TIAM1: variants seen among roughly 807,000 people sequenced by gnomAD.
TIAM1 encodes the protein TIAM Rac1 associated GEF 1.
A neutral mutation model predicts 163.5 loss-of-function variants in TIAM1; 65 were observed. The observed-to-expected ratio is 0.40, with a 90% CI of 0.33 to 0.49. The LOEUF is 0.49. TIAM1 is among the 20% of genes least tolerant of loss of function. The pLI is 0.77. For synonymous variants in TIAM1, 833 were observed against 810.1 expected, an observed-to-expected ratio of 1.03 and a Z score of -0.48; for missense variants, 1,789 against 2,044.7, an observed-to-expected ratio of 0.87 and a Z score of 2.41.
chr21:31,238,901 T>C (rs1224264614), intron 6 of TIAM1, among the ~76,000 whole-genome samples: 1 of 152,144 alleles, frequency 6.6e-6, no homozygotes, highest in Non-Finnish European at 1.5e-5. Context: ...AAATGGGGTA[T>C]ACAACACACA....
intron 12 of TIAM1, among the ~76,000 whole-genome samples, chr21:31,202,150 C>T (rs1215363813): frequency 6.6e-6 from 1 of 151,946 alleles, no homozygotes; most frequent in Non-Finnish European, 1.5e-5. Context: ...TTTTTTCACC[C>T]AACAAGATTT....
intron 1 of TIAM1, among the ~76,000 whole-genome samples, chr21:31,537,123 C>G (rs1471237151): frequency 6.6e-6 from 1 of 152,216 alleles, no homozygotes; most frequent in Non-Finnish European, 1.5e-5. Context: ...GCCCACACCT[C>G]TGTATCTGAA....
At chr21:31,231,240 T>C (rs1044788262) in intron 6 of TIAM1, among the ~76,000 whole-genome samples, 2 of 152,204 alleles carry the variant, frequency 1.3e-5, no homozygotes, top group Non-Finnish European at 2.9e-5. Context: ...GAAAGCATGT[T>C]AAGCCGCTGA....
At chr21:31,221,713 C>T (rs1178517530) in intron 8 of TIAM1, among the ~76,000 whole-genome samples, 1 of 152,188 alleles carries the variant, frequency 6.6e-6, no homozygotes, top group African/African-American at 2.4e-5. Flanking sequence ...GGTATTAATA[C>T]AGATGGTACC....
chr21:31,238,323 A>G (rs1035661574), intron 6 of TIAM1, among the ~76,000 whole-genome samples: 5 of 152,244 alleles, frequency 3.3e-5, no homozygotes, highest in African/African-American at 1.2e-4. Flanking sequence ...CATGGTATCC[A>G]AACAGCAGTA....
intron 2 of TIAM1, among the ~76,000 whole-genome samples, chr21:31,430,213 A>C (rs1271430130): frequency 1.4e-5 from 1 of 71,564 alleles, no homozygotes; most frequent in Non-Finnish European, 2.7e-5. Context: ...TCTCAAAGAA[A>C]AAAAAAAAAA....
chr21:31,488,664 A>G (rs1001185805), intron 1 of TIAM1, among the ~76,000 whole-genome samples: 1 of 152,200 alleles, frequency 6.6e-6, no homozygotes, highest in Non-Finnish European at 1.5e-5. Flanking sequence ...TGCCATTTAT[A>G]AAACCATCAG....
intron 2 of TIAM1, among the ~76,000 whole-genome samples, chr21:31,282,193 T>C (rs1304781443): frequency 6.6e-6 from 1 of 152,154 alleles, no homozygotes; most frequent in East Asian, 1.9e-4. Context: ...AAGTTCTTGG[T>C]TCTTGGTACT....
chr21:31,282,915 A>C (rs1356440268), intron 2 of TIAM1, among the ~76,000 whole-genome samples: 1 of 152,272 alleles, frequency 6.6e-6, no homozygotes, highest in Non-Finnish European at 1.5e-5. Flanking sequence ...TATATCCTAA[A>C]TAAACTAAGC....
At chr21:31,206,813 C>T (rs572315029) in intron 11 of TIAM1, among the ~76,000 whole-genome samples, 4 of 140,276 alleles carry the variant, frequency 2.9e-5, no homozygotes, top group African/African-American at 1.2e-4. Flanking sequence ...GCTCCTAATC[C>T]ATTATGTTTT....
chr21:31,512,397 G>T (rs1242705734), intron 1 of TIAM1, among the ~76,000 whole-genome samples: 4 of 151,938 alleles, frequency 2.6e-5, no homozygotes, highest in African/African-American at 9.7e-5. Flanking sequence ...ATCTCATCTG[G>T]CCACAATTTT....
intron 2 of TIAM1, among the ~76,000 whole-genome samples, chr21:31,366,024 T>C (rs1240179475): frequency 2.8e-5 from 4 of 141,206 alleles, no homozygotes; most frequent in Admixed American, 2.2e-4. Flanking sequence ...GAGGTGGAGG[T>C]TGCAGTGAGC....
intron 2 of TIAM1, among the ~76,000 whole-genome samples, chr21:31,451,510 A>C (rs1458316876): frequency 1.3e-5 from 2 of 152,166 alleles, no homozygotes; most frequent in Non-Finnish European, 2.9e-5. Context: ...ACTGGGCCTA[A>C]GTGGACCAGA....
intron 6 of TIAM1, among the ~76,000 whole-genome samples, chr21:31,232,735 G>C (rs2088510870): frequency 6.6e-6 from 1 of 152,114 alleles, no homozygotes; most frequent in Non-Finnish European, 1.5e-5. Context: ...TCAGATTCAT[G>C]ATGGGTCCCT....
At chr21:31,175,748 G>A (rs1425091983) in intron 15 of TIAM1, among the ~76,000 whole-genome samples, 3 of 151,890 alleles carry the variant, frequency 2.0e-5, no homozygotes, top group Admixed American at 6.6e-5. Context: ...ACAGGCGCCC[G>A]CCACCACGCC....
intron 12 of TIAM1, among the ~76,000 whole-genome samples, 162 bp from the exon 13 acceptor site, chr21:31,195,467 T>C (rs1008540738): frequency 6.6e-6 from 1 of 152,196 alleles, no homozygotes; most frequent in East Asian, 1.9e-4. Context: ...AAAGTAAAAG[T>C]AAAAACTTCC....
intron 2 of TIAM1, among the ~76,000 whole-genome samples, chr21:31,396,269 G>A (rs979923229): frequency 3.0e-4 from 45 of 152,122 alleles, no homozygotes; most frequent in Admixed American, 5.9e-4. Context: ...CTGTGACCTC[G>A]GCGCCTGCCC....
intron 2 of TIAM1, among the ~76,000 whole-genome samples, chr21:31,396,263 G>A (rs1344285909): frequency 3.9e-5 from 6 of 152,186 alleles, no homozygotes; most frequent in Admixed American, 3.3e-4. Flanking sequence ...CTTGGGCTGT[G>A]ACCTCGGCGC....
chr21:31,353,835 C>CTTTTTTTTTTTTTTTTTTTTTTT (rs71193103), intron 2 of TIAM1, among the ~76,000 whole-genome samples: 2 of 71,234 alleles, frequency 2.8e-5, no homozygotes, highest in Admixed American at 2.6e-4. Context: ...ATTTATTTAT[C>CTTTTTTTTTTTTTTTTTTTTTTT]TTTTTTTTTT....
Sources: allele counts gnomAD v4.1 joint callset (sites outside exome capture counted in the v4.1 genomes callset), GRCh38; gene constraint gnomAD v4.1.1; transcripts MANE v1.5; gene names NCBI Gene and HGNC (gene_info 2026-07-23, HGNC 2026-07-21).